The following SPATS2L variants were observed in gnomAD, a reference collection of about 807,000 sequenced individuals.
SPATS2L encodes the protein SPATS2-like protein.
SPATS2L carries 30 observed loss-of-function variants against 59.6 expected under a neutral mutation model. The observed-to-expected ratio is 0.50, with a 90% CI of 0.38 to 0.68. The LOEUF is 0.68. Among genes scored for constraint, SPATS2L ranks in the 30% least tolerant of loss-of-function variants. The pLI, the probability that SPATS2L is intolerant of heterozygous loss-of-function variation, is 0.00. For synonymous variants in SPATS2L, 252 were observed against 263.5 expected, an observed-to-expected ratio of 0.96 and a Z score of 0.42; for missense variants, 615 against 700.0, an observed-to-expected ratio of 0.88 and a Z score of 1.37.
intron 2 of SPATS2L, among the ~76,000 whole-genome samples, chr2:200,365,247 T>C (rs2081232426): frequency 6.6e-6 from 1 of 152,246 alleles, no homozygotes; most frequent in Non-Finnish European, 1.5e-5. Flanking sequence ...AAATACATAT[T>C]ATTACTTCCA....
chr2:200,434,418 G>A (rs1368126555), intron 6 of SPATS2L, among the ~76,000 whole-genome samples: 1 of 151,896 alleles, frequency 6.6e-6, no homozygotes, highest in African/African-American at 2.4e-5. Flanking sequence ...TGGAAAAGAA[G>A]AAGTTAGACT....
At chr2:200,347,706 T>A (rs1206154235) in intron 2 of SPATS2L, among the ~76,000 whole-genome samples, 1 of 152,190 alleles carries the variant, frequency 6.6e-6, no homozygotes, top group Non-Finnish European at 1.5e-5. Flanking sequence ...GGATACTGAA[T>A]GATCATACTA....
intron 2 of SPATS2L, among the ~76,000 whole-genome samples, chr2:200,343,212 G>C (rs1270637479): frequency 6.6e-6 from 1 of 152,188 alleles, no homozygotes; most frequent in Admixed American, 6.5e-5. Context: ...AAGAATGTTG[G>C]TAAGTGTATA....
chr2:200,432,216 T>C (rs2106067421), intron 6 of SPATS2L, among the ~76,000 whole-genome samples: 1 of 152,308 alleles, frequency 6.6e-6, no homozygotes, highest in Non-Finnish European at 1.5e-5. Context: ...GCTTTATTGA[T>C]GAATCAGATG....
At chr2:200,362,721 C>T (rs1217230290) in intron 2 of SPATS2L, among the ~76,000 whole-genome samples, 3 of 152,058 alleles carry the variant, frequency 2.0e-5, no homozygotes, top group Admixed American at 1.3e-4. Flanking sequence ...GGCTTTGTAG[C>T]GCCAGCCTAG....
intron 12 of SPATS2L, among the ~76,000 whole-genome samples, chr2:200,475,636 A>C (rs2087456280): frequency 6.6e-6 from 1 of 152,124 alleles, no homozygotes. Flanking sequence ...TCCCAGCTTG[A>C]CTTTTCCCTT....
Position 200,479,209 on chromosome 2 carries a change from C to T in SPATS2L, c.*1178C>T, listed in dbSNP as rs1049117705. The T allele has an allele frequency of 4.9e-6, 1 of 202,410 alleles. No individual in the cohort carries two copies. The highest frequency in any genetic ancestry group is 2.3e-5 in the African/African-American group (1 of 43,798). 12.5% of individuals were successfully genotyped at this position (202,410 alleles called of 1,614,324 possible). On this transcript the variant is annotated 3_prime_UTR_variant, in exon 13 of 13. Coordinates refer to ENST00000409140, the MANE Select transcript of SPATS2L (RefSeq NM_001100423.2). ...TGAGCCACCGTACCCGGCCAGCTCC[C>T]ATCTCTTAATTATCTTAGCTCTCCT...
chr2:200,376,125 A>C lies in SPATS2L; in HGVS notation c.-22-13098A>C, dbSNP rs561344980. On this transcript the variant is annotated intron_variant, in intron 2 of 12. Transcript: ENST00000409140. ...GGCATTGTATTTGGAACTTTGGAAGAGAGAAAGGCAAAGTGGAATTTATCA... is the reference window on the plus strand; with the variant it reads ...GGCATTGTATTTGGAACTTTGGAAGCGAGAAAGGCAAAGTGGAATTTATCA... Among the ~76,000 whole-genome samples the C allele has an allele frequency of 7.5e-4, 115 of 152,352 alleles. 1 individual carries two copies. The highest frequency in any genetic ancestry group is 2.6e-3 in the African/African-American group (110 of 41,584).
At chr2:200,437,493 C>G (rs2084380918) in intron 6 of SPATS2L, among the ~76,000 whole-genome samples, 1 of 152,098 alleles carries the variant, frequency 6.6e-6, no homozygotes, top group Non-Finnish European at 1.5e-5. Flanking sequence ...GTAATAAGTA[C>G]CAAGGGAAAC....
At chr2:200,356,081 C>T (rs760323936) in intron 2 of SPATS2L, among the ~76,000 whole-genome samples, 6 of 152,182 alleles carry the variant, frequency 3.9e-5, no homozygotes, top group Non-Finnish European at 8.8e-5. Context: ...ACTAATAGTA[C>T]ATTTACACCT....
chr2:200,425,927 CGTAA>C (rs1325869813), intron 6 of SPATS2L, among the ~76,000 whole-genome samples: 1 of 152,052 alleles, frequency 6.6e-6, no homozygotes, highest in Admixed American at 6.6e-5. Context: ...CCCACTGTGA[CGTAA>C]GTGTCTGGAG....
intron 6 of SPATS2L, among the ~76,000 whole-genome samples, chr2:200,430,691 A>ACTGTTGTC (rs2083864907): frequency 6.7e-6 from 1 of 149,060 alleles, no homozygotes; most frequent in African/African-American, 2.5e-5. Flanking sequence ...TTGTTCCCAA[A>ACTGTTGTC]CTGTTGTCCG....
intron 6 of SPATS2L, among the ~76,000 whole-genome samples, chr2:200,424,593 G>T (rs1290931603): frequency 3.9e-5 from 6 of 152,160 alleles, no homozygotes; most frequent in Admixed American, 3.9e-4. Flanking sequence ...GTTGACCTTA[G>T]GGTCTAATTT....
chr2:200,433,718 C>T (rs2084091924), intron 6 of SPATS2L, among the ~76,000 whole-genome samples: 1 of 152,058 alleles, frequency 6.6e-6, no homozygotes, highest in Non-Finnish European at 1.5e-5. Context: ...AATCCAACAA[C>T]TTAAATGAAA....
chr2:200,313,746 A>G (rs986670839), intron 1 of SPATS2L, among the ~76,000 whole-genome samples: 4 of 152,070 alleles, frequency 2.6e-5, no homozygotes, highest in African/African-American at 9.7e-5. Flanking sequence ...GCACCTCGCC[A>G]TCTTCCTTTC....
In SPATS2L at chr2:200,419,603, T is replaced by TC. The variant is rs2083224021; in HGVS notation, c.445+108dup. 2.3e-6 allele frequency: 3 copies of TC among 1,307,272 alleles called. No individual in the cohort carries two copies. The East Asian group carries it at 7.1e-5, about 31-fold the overall frequency. 81.0% of individuals were successfully genotyped at this position (1,307,272 alleles called of 1,614,324 possible). ...GTTGTTGAAAATGGAAGGTTGTTTT[T>TC]CTGCAGTGTGTACGATTCAGCCTTC... On this transcript the variant is annotated intron_variant, in intron 6 of 12. Coordinates refer to ENST00000409140, the MANE Select transcript of SPATS2L (RefSeq NM_001100423.2).
chr2:200,309,513 T>C (rs1354819737), intron 1 of SPATS2L, among the ~76,000 whole-genome samples: 2 of 152,220 alleles, frequency 1.3e-5, no homozygotes, highest in Non-Finnish European at 2.9e-5. Context: ...AATTAAATCA[T>C]ATGTTTTTTA....
intron 8 of SPATS2L, among the ~76,000 whole-genome samples, chr2:200,441,909 CTG>C (rs2106112105): frequency 6.6e-6 from 1 of 152,294 alleles, no homozygotes; most frequent in Admixed American, 6.5e-5. Flanking sequence ...TTAGCAGAAA[CTG>C]TGTGTAAAAC....
intron 2 of SPATS2L, among the ~76,000 whole-genome samples, chr2:200,388,591 CAA>C (rs990328799): frequency 9.4e-6 from 1 of 106,414 alleles, no homozygotes. Context: ...GAGACAAGCT[CAA>C]AAAAAAAGGT....
Sources: allele counts gnomAD v4.1 joint callset (sites outside exome capture counted in the v4.1 genomes callset), GRCh38; gene constraint gnomAD v4.1.1; transcripts MANE v1.5; gene names NCBI Gene and HGNC (gene_info 2026-07-23, HGNC 2026-07-21).